KAT6B: variants seen among roughly 807,000 people sequenced by gnomAD.
The protein encoded by KAT6B is histone acetyltransferase KAT6B.
Under a neutral mutation model 187.5 loss-of-function variants are expected in KAT6B, and 10 were observed. The observed-to-expected ratio is 0.05, with a 90% CI of 0.03 to 0.09. The LOEUF (loss-of-function observed/expected upper bound fraction) is 0.09. KAT6B is among the 10% of genes least tolerant of loss of function. The probability of loss-of-function intolerance (pLI) is 1.00; values close to 1 mark genes in which losing one functional copy is unlikely to be tolerated. For missense variants in KAT6B, 1,952 were observed against 2,558.9 expected (o/e 0.76, Z 5.12); for synonymous variants, 861 against 926.8 (o/e 0.93, Z 1.29).
intron 13 of KAT6B, 147 bp from the exon 14 acceptor site, chr10:75,020,435 C>T: frequency 1.5e-6 from 1 of 672,148 alleles, no homozygotes; most frequent in East Asian, 2.7e-5. Flanking sequence ...ATCACTATAA[C>T]TGGGAAGAGG....
intron 3 of KAT6B, among the ~76,000 whole-genome samples, chr10:74,945,882 T>C (rs1564580420): frequency 2.6e-5 from 4 of 152,244 alleles, no homozygotes; most frequent in South Asian, 4.1e-4. Context: ...TGAAGGATAT[T>C]GACTGCACTT....
At chr10:75,025,350 AGTG>A (rs1564628493) in intron 17 of KAT6B, 101 bp downstream of exon 17, 5 of 1,197,142 alleles carry the variant, frequency 4.2e-6, no homozygotes, top group Non-Finnish European at 6.1e-6. Flanking sequence ...GCACCTGCGA[AGTG>A]GTGCTGATGC....
rs1265260710 is a variant in KAT6B at position 75,031,315 on chromosome 10, A to G, written c.*269A>G. ...GCAAAGGAAGGCCTCTCTTTGGACT[A>G]CAATTTGGAGGCAGCCACTTGTTGT... is the stretch of plus-strand genomic sequence containing the variant. On this transcript the variant is annotated 3_prime_UTR_variant, in exon 18 of 18. Coordinates refer to ENST00000287239, the MANE Select transcript of KAT6B (RefSeq NM_012330.4). 6.3e-6 allele frequency: 3 copies of G among 476,664 alleles called. No individual in the cohort carries two copies. The East Asian group carries it at 1.1e-4, about 18-fold the overall frequency. The allele number at this position is 476,664 out of a possible 1,614,324, so 29.5% of individuals were successfully genotyped here. A position where few individuals can be genotyped will look rare whatever the true frequency, so the allele number is the denominator to read the frequency against.
intron 3 of KAT6B, among the ~76,000 whole-genome samples, chr10:74,944,875 T>C (rs1415858201): frequency 1.5e-5 from 2 of 133,786 alleles, no homozygotes; most frequent in African/African-American, 5.7e-5. Flanking sequence ...TTCCATACAC[T>C]CGAATGGCCA....
At chr10:74,876,994 T>G (rs1159987670) in intron 3 of KAT6B, among the ~76,000 whole-genome samples, 2 of 151,944 alleles carry the variant, frequency 1.3e-5, no homozygotes, top group African/African-American at 2.4e-5. Flanking sequence ...CTCAGAAAAG[T>G]CTCGCTCTGT....
rs1334192690 is a variant in KAT6B at position 75,020,850 on chromosome 10, G to A, written c.2861+37G>A. 3 of 1,556,000 alleles carry A rather than the reference G, an allele frequency of 1.9e-6. No individual in the cohort carries two copies. In the South Asian group the frequency reaches 3.4e-5, roughly 17 times the overall value. ...GACCCTGGGCAGCTCCGTGGCTCAG[G>A]CATCCCACACCAGAAAGGGTCCCTG... On this transcript the variant is annotated intron_variant, in intron 14 of 17. Transcript: ENST00000287239.
At chr10:75,011,294 T>C (rs1428474277) in intron 13 of KAT6B, among the ~76,000 whole-genome samples, 1 of 152,206 alleles carries the variant, frequency 6.6e-6, no homozygotes. Context: ...TAAATGTGTT[T>C]TTCCTAAAAT....
intron 1 of KAT6B, among the ~76,000 whole-genome samples, chr10:74,830,763 T>TA (rs1840757844): frequency 3.1e-5 from 1 of 32,014 alleles, no homozygotes; most frequent in African/African-American, 2.4e-4. Flanking sequence ...TATATATATA[T>TA]ATATATTTTT....
chr10:74,863,546 CA>C (rs1360950185), intron 3 of KAT6B, among the ~76,000 whole-genome samples: 1 of 152,114 alleles, frequency 6.6e-6, no homozygotes, highest in Non-Finnish European at 1.5e-5. Context: ...AAAACTGTTC[CA>C]AAAAGATAGT....
intron 1 of KAT6B, among the ~76,000 whole-genome samples, chr10:74,827,496 A>G (rs1194211312): frequency 6.6e-6 from 1 of 151,988 alleles, no homozygotes; most frequent in Non-Finnish European, 1.5e-5. Flanking sequence ...GAGGTTTGCT[A>G]GCTTTGGGGT....
At position 74,975,936 on chromosome 10, in the gene KAT6B, C is replaced by T; in HGVS notation, c.1599C>T (p.Ser533=). 1.9e-6 allele frequency: 3 copies of T among 1,614,174 alleles called. No individual in the cohort carries two copies. The highest frequency in any genetic ancestry group is 2.5e-6 in the Non-Finnish European group (3 of 1,180,038). ...SSQCSVPSLS[S]LTTNSQLKAL... Reference sequence around the variant, plus strand: ...AGTGCAGTGTGCCCTCCCTGAGCAGCCTTACCACTAACAGCCAGCTGAAGG... The same window carrying T: ...AGTGCAGTGTGCCCTCCCTGAGCAGTCTTACCACTAACAGCCAGCTGAAGG... Residue 533 remains serine (S), a synonymous_variant, in exon 8 of 18, where the codon AGC becomes AGT. Coordinates refer to ENST00000287239, the MANE Select transcript of KAT6B (RefSeq NM_012330.4).
At chr10:74,866,231 T>C (rs984886430) in intron 3 of KAT6B, among the ~76,000 whole-genome samples, 80 of 151,930 alleles carry the variant, frequency 5.3e-4, no homozygotes, top group African/African-American at 1.9e-3. Context: ...TTCAATATGA[T>C]AATGGCATTT....
intron 1 of KAT6B, among the ~76,000 whole-genome samples, chr10:74,829,619 AT>A (rs1266831190): frequency 6.6e-6 from 1 of 151,718 alleles, no homozygotes; most frequent in Non-Finnish European, 1.5e-5. Context: ...TAATTTTTGT[AT>A]TTTTAGTAGA....
intron 3 of KAT6B, among the ~76,000 whole-genome samples, chr10:74,864,533 C>G (rs142181246): frequency 1.1e-3 from 161 of 152,036 alleles, no homozygotes; most frequent in African/African-American, 3.4e-3. Flanking sequence ...CACTTTTTTC[C>G]CCTCAGGTAT....
intron 13 of KAT6B, among the ~76,000 whole-genome samples, chr10:74,997,635 A>T (rs1174300840): frequency 6.6e-6 from 1 of 152,206 alleles, no homozygotes; most frequent in Non-Finnish European, 1.5e-5. Context: ...TAACTGCAAG[A>T]TTACAATTTT....
At chr10:74,860,826 C>T in intron 3 of KAT6B, among the ~76,000 whole-genome samples, 1 of 152,068 alleles carries the variant, frequency 6.6e-6, no homozygotes, top group Non-Finnish European at 1.5e-5. Flanking sequence ...GACAAAACCC[C>T]ATCTGTACCA....
At chr10:74,865,856 A>G (rs1275639813) in intron 3 of KAT6B, among the ~76,000 whole-genome samples, 1 of 152,142 alleles carries the variant, frequency 6.6e-6, no homozygotes, top group Non-Finnish European at 1.5e-5. Context: ...ACATTACCGC[A>G]CTAAAGAGGC....
intron 3 of KAT6B, among the ~76,000 whole-genome samples, chr10:74,847,454 G>A (rs960052103): frequency 6.6e-6 from 1 of 152,168 alleles, no homozygotes; most frequent in African/African-American, 2.4e-5. Flanking sequence ...CCTGAGGTCA[G>A]CAGTTCAAGA....
At chr10:74,997,784 T>A (rs533272746) in intron 13 of KAT6B, among the ~76,000 whole-genome samples, 87 of 152,160 alleles carry the variant, frequency 5.7e-4, no homozygotes, top group Middle Eastern at 3.4e-3. Flanking sequence ...ATCAAAAACA[T>A]CTAATGGTTT....
Sources: gnomAD v4.1 joint callset for allele counts (sites outside exome capture counted in the v4.1 genomes callset) on GRCh38, gnomAD v4.1.1 for gene constraint, MANE v1.5 for transcripts, NCBI Gene and HGNC (gene_info 2026-07-23, HGNC 2026-07-21) for gene names.